The following NUP133 variants were observed in gnomAD, a reference collection of about 807,000 sequenced individuals.
NUP133 encodes the protein nuclear pore complex protein Nup133.
NUP133 carries 66 observed loss-of-function variants against 146.2 expected under a neutral mutation model. The ratio of observed to expected loss-of-function variants is 0.45; its 90% CI spans 0.37 to 0.55. The LOEUF is 0.55. Ranked by LOEUF, NUP133 falls within the 20% of genes least tolerant of loss-of-function variation. NUP133 has a pLI of 0.00. For synonymous variants in NUP133, 521 were observed against 498.8 expected (o/e 1.04, Z -0.59); for missense variants, 1,277 against 1,374.8 (o/e 0.93, Z 1.12).
intron 2 of NUP133, among the ~76,000 whole-genome samples, chr1:229,504,423 C>T (rs565870091): frequency 1.3e-5 from 2 of 152,316 alleles, no homozygotes; most frequent in East Asian, 3.9e-4. Context: ...CTGCTCTGAA[C>T]TTTGCTCTTC....
At chr1:229,467,727 C>A (rs1001096754) in intron 15 of NUP133, among the ~76,000 whole-genome samples, 1 of 151,990 alleles carries the variant, frequency 6.6e-6, no homozygotes, top group Non-Finnish European at 1.5e-5. Context: ...GAGATCAAGA[C>A]CATCCTGGAA....
intron 2 of NUP133, among the ~76,000 whole-genome samples, chr1:229,505,580 A>C (rs892392784): frequency 1.5e-4 from 22 of 148,196 alleles, no homozygotes; most frequent in African/African-American, 5.0e-4. Context: ...AAAAAAAAAA[A>C]AAAAAAAAAA....
intron 8 of NUP133, among the ~76,000 whole-genome samples, chr1:229,495,225 C>CA (rs1403593200): frequency 6.6e-6 from 1 of 151,956 alleles, no homozygotes; most frequent in African/African-American, 2.4e-5. Context: ...CCTATCTCTA[C>CA]AAAAAAATTT....
At chr1:229,486,222 T>C (rs1661341849) in intron 11 of NUP133, 149 bp downstream of exon 11, 1 of 656,188 alleles carries the variant, frequency 1.5e-6, no homozygotes, top group Admixed American at 4.1e-5. Context: ...CTGGGAAGTC[T>C]GAGGCAGGAG....
intron 22 of NUP133, among the ~76,000 whole-genome samples, chr1:229,451,468 A>G (rs1451815687): frequency 6.6e-6 from 1 of 152,198 alleles, no homozygotes; most frequent in East Asian, 1.9e-4. Flanking sequence ...ATAAAAAAAC[A>G]CATCAACATG....
At chr1:229,468,575 T>C (rs1660879491) in intron 15 of NUP133, among the ~76,000 whole-genome samples, 1 of 152,212 alleles carries the variant, frequency 6.6e-6, no homozygotes, top group East Asian at 1.9e-4. Context: ...TTATTCTATA[T>C]GTATCCAACT....
intron 21 of NUP133, among the ~76,000 whole-genome samples, chr1:229,454,158 TCTC>T (rs773900015): frequency 2.0e-5 from 3 of 152,212 alleles, no homozygotes; most frequent in South Asian, 4.1e-4. Flanking sequence ...ATACAGCACA[TCTC>T]CTAGGCAGCA....
intron 5 of NUP133, among the ~76,000 whole-genome samples, chr1:229,499,421 C>A (rs948349714): frequency 2.6e-5 from 4 of 152,052 alleles, no homozygotes; most frequent in African/African-American, 4.8e-5. Context: ...TCTTTTTGAT[C>A]CCTCCCCGGC....
At chr1:229,480,732 G>A (rs1052651256) in intron 12 of NUP133, among the ~76,000 whole-genome samples, 2 of 152,162 alleles carry the variant, frequency 1.3e-5, no homozygotes, top group Admixed American at 6.5e-5. Context: ...ACAATGCACC[G>A]CTGGAGTGCG....
rs113507551 is a variant in NUP133 at position 229,498,050 on chromosome 1, G to A, written c.819+86C>T. 3.6e-5 allele frequency: 34 copies of A among 945,018 alleles called. No individual in the cohort carries two copies. In the African/African-American group the frequency reaches 4.4e-4, roughly 12 times the overall value. 58.5% of individuals were successfully genotyped at this position (945,018 alleles called of 1,614,324 possible). ...ATTTCGCATAAGCTACTGTCCATATGGAGGAATACTAAATTCAGAGGATAC... is the reference window on the plus strand; with the variant it reads ...ATTTCGCATAAGCTACTGTCCATATAGAGGAATACTAAATTCAGAGGATAC... On this transcript the variant is annotated intron_variant, in intron 6 of 25. Transcript: ENST00000261396.
rs373240080 is a variant in NUP133 at position 229,450,518 on chromosome 1, T to G, written c.3180+7A>C. ...TGCCTGAGATCATCTCAAGCAATTT[T>G]ACTTACCTCATCAATATATTCCAAC... On this transcript the variant is annotated splice_region_variant and intron_variant, in intron 23 of 25. Coordinates refer to ENST00000261396, the MANE Select transcript of NUP133 (RefSeq NM_018230.3). The G allele has an allele frequency of 1.3e-6, 2 of 1,507,660 alleles. No individual in the cohort carries two copies. Among genetic ancestry groups the G allele is most frequent in the Non-Finnish European group, 1.8e-6 (2 of 1,099,274 alleles). The allele number at this position is 1,507,660 out of a possible 1,614,324, so 93.4% of individuals were successfully genotyped here. A position where few individuals can be genotyped will look rare whatever the true frequency, so the allele number is the denominator to read the frequency against.
chr1:229,473,919 T>C (rs934237778), intron 14 of NUP133, among the ~76,000 whole-genome samples: 4 of 152,198 alleles, frequency 2.6e-5, no homozygotes, highest in African/African-American at 9.6e-5. Context: ...AGTGAAACCC[T>C]GTCACACACA....
intron 14 of NUP133, 116 bp from the exon 15 acceptor site, chr1:229,470,920 G>C: frequency 1.3e-6 from 1 of 794,350 alleles, no homozygotes; most frequent in Non-Finnish European, 2.1e-6. Context: ...CTTTCCCCCA[G>C]CAAGTCCCTC....
intron 21 of NUP133, among the ~76,000 whole-genome samples, chr1:229,455,265 T>C (rs1053932847): frequency 1.3e-5 from 2 of 152,162 alleles, no homozygotes; most frequent in Non-Finnish European, 2.9e-5. Flanking sequence ...ATTTTTATTT[T>C]GAAAAATTCC....
intron 9 of NUP133, 98 bp downstream of exon 9, chr1:229,489,857 C>A: frequency 8.8e-7 from 1 of 1,136,298 alleles, no homozygotes; most frequent in South Asian, 2.1e-5. Flanking sequence ...GCCTGGGTGA[C>A]AGAGCAAAAC....
chr1:229,499,417 T>C (rs540439312), intron 5 of NUP133, among the ~76,000 whole-genome samples: 1 of 152,326 alleles, frequency 6.6e-6, no homozygotes, highest in East Asian at 1.9e-4. Flanking sequence ...TGTCTCTTTT[T>C]GATCCCTCCC....
At chr1:229,464,968 AC>A in intron 17 of NUP133, 93 bp from the exon 18 acceptor site, 1 of 1,433,020 alleles carries the variant, frequency 7.0e-7, no homozygotes, top group Non-Finnish European at 9.6e-7. Context: ...CCTCTTCATC[AC>A]TGCTGGAAAA....
intron 12 of NUP133, 51 bp from the exon 13 acceptor site, chr1:229,477,811 A>T (rs1057210558): frequency 1.4e-6 from 2 of 1,423,556 alleles, no homozygotes; most frequent in Non-Finnish European, 1.9e-6. Flanking sequence ...AATATTTTCA[A>T]AACTCACCAA....
At chr1:229,448,897 G>A (rs1440255293) in intron 24 of NUP133, 2 of 523,392 alleles carry the variant, frequency 3.8e-6, no homozygotes, top group East Asian at 3.5e-5. Flanking sequence ...TCAAAGTCAG[G>A]GGCAGTCTGA....
Sources: allele counts gnomAD v4.1 joint callset (sites outside exome capture counted in the v4.1 genomes callset), GRCh38; gene constraint gnomAD v4.1.1; transcripts MANE v1.5; gene names NCBI Gene and HGNC (gene_info 2026-07-23, HGNC 2026-07-21).